The following PLEKHO1 variants were observed in gnomAD, a reference collection of about 807,000 sequenced individuals.
The protein encoded by PLEKHO1 is pleckstrin homology domain-containing family O member 1.
In PLEKHO1, 22 loss-of-function variants were observed where a neutral mutation model predicts 41.4. The observed-to-expected ratio is 0.53, with a 90% CI of 0.38 to 0.76. The LOEUF (loss-of-function observed/expected upper bound fraction) is 0.76, where lower values mean the gene tolerates loss of function less well. Ranked by LOEUF, PLEKHO1 falls within the 30% of genes least tolerant of loss-of-function variation. The pLI is 0.00. For synonymous variants in PLEKHO1, 225 were observed against 210.8 expected (o/e 1.07, Z -0.58); for missense variants, 488 against 518.3 (o/e 0.94, Z 0.57).
intron 2 of PLEKHO1, among the ~76,000 whole-genome samples, chr1:150,152,285 G>A (rs896697780): frequency 4.6e-5 from 7 of 152,140 alleles, no homozygotes; most frequent in African/African-American, 1.7e-4. Flanking sequence ...CACAAAACTA[G>A]CAAGTTGGTG....
Position 150,156,145 on chromosome 1 carries a change from G to A in PLEKHO1, c.257G>A (p.Ser86Asn), listed in dbSNP as rs1559961664. The A allele has an allele frequency of 1.2e-6, 2 of 1,613,636 alleles. No individual in the cohort carries two copies. The highest frequency in any genetic ancestry group is 1.7e-5 in the Admixed American group (1 of 60,020). Residue 86 changes from serine to asparagine, a missense_variant, in exon 3 of 6, where the codon AGC becomes AAC. Transcript: ENST00000369124. The part of the protein sequence containing the change: ...EKCEELRKSK[S>N]RSKKNHSKFT... ...TGTGAAGAGCTCCGGAAGTCCAAGA[G>A]CAGGAGCAAGAAAAATCATAGCAAG...
Position 150,151,077 on chromosome 1 carries a change from T to A in PLEKHO1, c.177+19T>A. 1 of 1,613,236 alleles carries A rather than the reference T, an allele frequency of 6.2e-7. No individual in the cohort carries two copies. The highest frequency in any genetic ancestry group is 8.5e-7 in the Non-Finnish European group (1 of 1,179,378). The stretch of plus-strand genomic sequence containing the variant: ...GAAGGAGGTGGGTGCCTCTTGCCTC[T>A]AACTCTCCGTTTTCTCATAGCCCCC... On this transcript the variant is annotated intron_variant, in intron 2 of 5. Coordinates refer to ENST00000369124, the MANE Select transcript of PLEKHO1 (RefSeq NM_016274.6).
chr1:150,151,045 T>C lies in PLEKHO1; in HGVS notation c.164T>C (p.Ile55Thr), dbSNP rs782013254. 4.3e-6 allele frequency: 7 copies of C among 1,614,080 alleles called. No individual in the cohort carries two copies. Among genetic ancestry groups the C allele is most frequent in the Non-Finnish European group, 5.9e-6 (7 of 1,179,948 alleles). The change falls in exon 2 of 6, where the codon ATC (isoleucine) becomes ACC (threonine). Residue 55 changes from isoleucine (I) to threonine (T), a missense_variant. Coordinates refer to ENST00000369124, the MANE Select transcript of PLEKHO1 (RefSeq NM_016274.6). ...GTGCTGAAAGGGGACCAGCTCTACATCTCTGAGAAGGAGGTGGGTGCCTCT... is the reference window on the plus strand; with the variant it reads ...GTGCTGAAAGGGGACCAGCTCTACACCTCTGAGAAGGAGGTGGGTGCCTCT... Reference protein sequence around the residue: ...YVVLKGDQLYISEKEVKDEKN... With the variant: ...YVVLKGDQLYTSEKEVKDEKN...
intron 5 of PLEKHO1, among the ~76,000 whole-genome samples, chr1:150,158,414 G>T (rs782175445): frequency 1.3e-5 from 2 of 152,298 alleles, no homozygotes; most frequent in African/African-American, 4.8e-5. Flanking sequence ...TGCCAGGCAG[G>T]GGGGCTCACA....
chr1:150,159,683 A>C lies in PLEKHO1; in HGVS notation c.*160A>C, dbSNP rs1464083483. ...CACTACAACCCTTATTGCCCCACCT[A>C]CTTTCCATATGCCCCTCGTATGCCC... On this transcript the variant is annotated 3_prime_UTR_variant, in exon 6 of 6. Coordinates refer to ENST00000369124, the MANE Select transcript of PLEKHO1 (RefSeq NM_016274.6). 1 of 556,866 alleles carries C rather than the reference A, an allele frequency of 1.8e-6. No individual in the cohort carries two copies. The highest frequency in any genetic ancestry group is 3.2e-6 in the Non-Finnish European group (1 of 310,586). The allele number at this position is 556,866 out of a possible 1,614,324, so 34.5% of individuals were successfully genotyped here.
chr1:150,151,176 C>T (rs889047016), intron 2 of PLEKHO1, 118 bp downstream of exon 2: 5 of 1,023,434 alleles, frequency 4.9e-6, no homozygotes, highest in South Asian at 4.4e-5. Flanking sequence ...TCAGTGGTCT[C>T]CTCTCTACCC....
At chr1:150,150,829 C>A in intron 1 of PLEKHO1, 83 bp from the exon 2 acceptor site, 2 of 1,346,300 alleles carry the variant, frequency 1.5e-6, no homozygotes, top group Non-Finnish European at 1.0e-6. Context: ...ACTGGGCCGC[C>A]GAGGCGGTCG....
Position 150,158,999 on chromosome 1 carries a change from C to T in PLEKHO1, c.706C>T (p.Arg236Trp), listed in dbSNP as rs376618900. ...DSDRIQPSAD[R>W]ASSLSRPWEK... ...AGACCGCATCCAGCCCTCCGCAGAC[C>T]GGGCAAGCAGTCTCTCCCGACCTTG... Residue 236 changes from arginine to tryptophan, a missense_variant, in exon 6 of 6, where the codon CGG becomes TGG. Arg to Trp is a moderately radical substitution (Grantham distance 101, BLOSUM62 -3). This residue lies in a region of PLEKHO1 where 337 missense variants were observed against 324.6 expected (regional missense o/e 1.04). Transcript: ENST00000369124. 23 of 1,614,048 alleles carry T rather than the reference C, an allele frequency of 1.4e-5. No individual in the cohort carries two copies. Among genetic ancestry groups the T allele is most frequent in the East Asian group, 6.7e-5 (3 of 44,882 alleles).
At position 150,158,805 on chromosome 1, in the gene PLEKHO1, C is replaced by G. The variant is rs200971563; in HGVS notation, c.526-14C>G. The stretch of plus-strand genomic sequence containing the variant: ...GATGACAGGTTCCCCACTCATTCCC[C>G]CCTTCCTCCACAGGCTTCCACCTCT... On this transcript the variant is annotated splice_polypyrimidine_tract_variant and intron_variant, in intron 5 of 5. Transcript: ENST00000369124. The G allele has an allele frequency of 1.3e-3, 1,989 of 1,567,880 alleles. 10 individuals are homozygous for G. Among genetic ancestry groups the G allele is most frequent in the Middle Eastern group, 0.012 (69 of 5,886 alleles).
intron 5 of PLEKHO1, among the ~76,000 whole-genome samples, chr1:150,158,561 C>T (rs1030675101): frequency 6.6e-6 from 1 of 151,650 alleles, no homozygotes; most frequent in Admixed American, 6.6e-5. Context: ...TGGTGGTGCA[C>T]GCATGTAATC....
rs1553821512 is a variant in PLEKHO1, at chr1:150,159,309, C to T, written c.1016C>T (p.Pro339Leu). 6.2e-7 allele frequency: 1 copy of T among 1,614,160 alleles called. No individual in the cohort carries two copies. The highest frequency in any genetic ancestry group is 1.1e-5 in the South Asian group (1 of 91,070). The part of the protein sequence containing the change: ...LGDGKRKAKD[P>L]PRSPPDSESE... ...GATGGGAAGCGAAAGGCCAAGGACC[C>T]CCCTCGGTCTCCGCCGGATTCTGAG... The change falls in exon 6 of 6, where the codon CCC (proline) becomes CTC (leucine). Residue 339 changes from proline (P) to leucine (L), a missense_variant. Around this residue, in one of 3 missense-constraint regions of PLEKHO1, gnomAD observed 337 missense variants for 324.6 expected, o/e 1.04. Transcript: ENST00000369124.
chr1:150,155,857 AACAC>A, intron 2 of PLEKHO1: 3 of 530,302 alleles, frequency 5.7e-6, no homozygotes, highest in Non-Finnish European at 3.3e-6. Flanking sequence ...TTTAAACAGA[AACAC>A]ACCTTAACAT....
At position 150,159,321 on chromosome 1, in the gene PLEKHO1, C is replaced by T. The variant is rs782409724; in HGVS notation, c.1028C>T (p.Pro343Leu). 21 of 1,614,034 alleles carry T rather than the reference C, an allele frequency of 1.3e-5. No homozygotes were observed. In the East Asian group the frequency reaches 2.0e-4, roughly 15 times the overall value. The part of the protein sequence containing the change: ...KRKAKDPPRS[P>L]PDSESEQLLL... ...AAGGCCAAGGACCCCCCTCGGTCTCCGCCGGATTCTGAGTCAGAGCAGCTG... is the reference window on the plus strand; with the variant it reads ...AAGGCCAAGGACCCCCCTCGGTCTCTGCCGGATTCTGAGTCAGAGCAGCTG... Residue 343 changes from proline (P) to leucine (L), a missense_variant, in exon 6 of 6, where the codon CCG becomes CTG. Physicochemically the swap from Pro to Leu is moderately conservative, Grantham distance 98. This residue lies in a region of PLEKHO1 where 337 missense variants were observed against 324.6 expected (regional missense o/e 1.04). Transcript: ENST00000369124.
chr1:150,149,878 C>A (rs1659792516), upstream of PLEKHO1: 1 of 151,716 alleles, frequency 6.6e-6, no homozygotes, highest in Non-Finnish European at 1.5e-5. Context: ...ACGTCAGCGG[C>A]CCGCGGATGG....
At chr1:150,156,846 C>A in intron 3 of PLEKHO1, 65 bp from the exon 4 acceptor site, 1 of 904,368 alleles carries the variant, frequency 1.1e-6, no homozygotes, top group Non-Finnish European at 1.9e-6. Context: ...TCTCTTATTT[C>A]TTCATTGTCA....
intron 2 of PLEKHO1, 196 bp from the exon 3 acceptor site, chr1:150,155,870 A>C: frequency 1.8e-6 from 1 of 569,432 alleles, no homozygotes; most frequent in Non-Finnish European, 3.1e-6. Context: ...ACACCTTAAC[A>C]TTCAAGACTT....
At position 150,159,027 on chromosome 1, in the gene PLEKHO1, A is replaced by G. The variant is rs782513126; in HGVS notation, c.734A>G (p.Glu245Gly). The change falls in exon 6 of 6, where the codon GAA becomes GGA. Residue 245 changes from glutamate to glycine, a missense_variant. Physicochemically the swap from Glu to Gly is moderately conservative, Grantham distance 98. Around this residue, in one of 3 missense-constraint regions of PLEKHO1, gnomAD observed 337 missense variants for 324.6 expected, o/e 1.04. Coordinates refer to ENST00000369124, the MANE Select transcript of PLEKHO1 (RefSeq NM_016274.6). ...DRASSLSRPWEKTDKGATYTP... is the reference protein window; with the variant it reads ...DRASSLSRPWGKTDKGATYTP... ...GCAAGCAGTCTCTCCCGACCTTGGG[A>G]AAAAACAGACAAAGGGGCCACCTAC... is the stretch of plus-strand genomic sequence containing the variant. The G allele has an allele frequency of 6.2e-7, 1 of 1,613,888 alleles. No homozygotes were observed. The highest frequency in any genetic ancestry group is 1.1e-5 in the South Asian group (1 of 91,062).
chr1:150,159,329 T>A lies in PLEKHO1; in HGVS notation c.1036T>A (p.Ser346Thr). Reference protein sequence around the residue: ...AKDPPRSPPDSESEQLLLETE... With the variant: ...AKDPPRSPPDTESEQLLLETE... The stretch of plus-strand genomic sequence containing the variant: ...GGACCCCCCTCGGTCTCCGCCGGAT[T>A]CTGAGTCAGAGCAGCTGCTGCTGGA... The change falls in exon 6 of 6, where the codon TCT (serine) becomes ACT (threonine). Residue 346 changes from serine (S) to threonine (T), a missense_variant. Ser to Thr is a moderately conservative substitution (Grantham distance 58). Transcript: ENST00000369124. The A allele has an allele frequency of 6.2e-7, 1 of 1,614,030 alleles. No homozygotes were observed. The highest frequency in any genetic ancestry group is 8.5e-7 in the Non-Finnish European group (1 of 1,180,002).
chr1:150,150,297 C>T lies in PLEKHO1; in HGVS notation c.30+10C>T. On this transcript the variant is annotated intron_variant, in intron 1 of 5. Transcript: ENST00000369124. The stretch of plus-strand genomic sequence containing the variant: ...CAATTCCGCCAAGCGGGTGAGTGCG[C>T]TTGCCCGCCCTGCGGCCGCCGCCGC... 2 of 1,091,404 alleles carry T rather than the reference C, an allele frequency of 1.8e-6. No homozygotes were observed. The highest frequency in any genetic ancestry group is 2.2e-6 in the Non-Finnish European group (2 of 891,220). The allele number at this position is 1,091,404 out of a possible 1,614,324, so 67.6% of individuals were successfully genotyped here.
Sources: gnomAD v4.1 joint callset for allele counts (sites outside exome capture counted in the v4.1 genomes callset) on GRCh38, gnomAD v4.1.1 for gene constraint, gnomAD v4.1.1 regional missense constraint, MANE v1.5 for transcripts, NCBI Gene and HGNC (gene_info 2026-07-23, HGNC 2026-07-21) for gene names.